The following CPNE4 variants were observed in gnomAD, a reference collection of about 807,000 sequenced individuals.
CPNE4 encodes copine 4, also known as copine-4.
A neutral mutation model predicts 67.9 loss-of-function variants in CPNE4; 25 were observed. That is an observed-to-expected ratio of 0.37 (90% confidence interval 0.27 to 0.51). CPNE4 has a LOEUF of 0.51. Ranked by LOEUF, CPNE4 falls within the 20% of genes least tolerant of loss-of-function variation. The pLI is 0.93. For synonymous variants in CPNE4, 242 were observed against 244.9 expected (o/e 0.99, Z 0.11); for missense variants, 464 against 690.8 (o/e 0.67, Z 3.68).
chr3:131,978,077 A>ATTT (rs1560719936), intron 1 of CPNE4, among the ~76,000 whole-genome samples: 1 of 34,056 alleles, frequency 2.9e-5, no homozygotes, highest in African/African-American at 1.5e-4. Flanking sequence ...AAATATATAT[A>ATTT]AATATATATA....
chr3:131,540,870 A>G (rs1935441712), intron 15 of CPNE4, among the ~76,000 whole-genome samples: 1 of 152,178 alleles, frequency 6.6e-6, no homozygotes, highest in Non-Finnish European at 1.5e-5. Context: ...GTGGAGACAC[A>G]TCTCACTGCA....
chr3:131,815,045 A>G (rs1205991037), intron 2 of CPNE4, among the ~76,000 whole-genome samples: 1 of 152,176 alleles, frequency 6.6e-6, no homozygotes, highest in African/African-American at 2.4e-5. Flanking sequence ...ATAACGGAAG[A>G]CTGGAAGAGT....
At chr3:131,793,659 T>C (rs1242477263) in intron 2 of CPNE4, among the ~76,000 whole-genome samples, 1 of 152,222 alleles carries the variant, frequency 6.6e-6, no homozygotes, top group African/African-American at 2.4e-5. Context: ...TACCTGCCTA[T>C]GGACTTTTTC....
intron 14 of CPNE4, among the ~76,000 whole-genome samples, chr3:131,544,311 G>A (rs1405098405): frequency 6.6e-6 from 1 of 152,134 alleles, no homozygotes; most frequent in African/African-American, 2.4e-5. Flanking sequence ...GTTGCAAATA[G>A]TTTGGTAGTA....
At chr3:132,037,474 C>T, upstream of CPNE4, 5 of 974,394 alleles carry the variant, frequency 5.1e-6, no homozygotes, top group Non-Finnish European at 7.9e-6. Flanking sequence ...TGTTTTCAAT[C>T]ACTGCCCCCA....
At chr3:131,761,004 G>A (rs2082873094) in intron 2 of CPNE4, among the ~76,000 whole-genome samples, 1 of 152,098 alleles carries the variant, frequency 6.6e-6, no homozygotes, top group Non-Finnish European at 1.5e-5. Flanking sequence ...TTTCCTTGTT[G>A]AGAAGATGCC....
intron 2 of CPNE4, among the ~76,000 whole-genome samples, chr3:131,830,312 T>C (rs2085316269): frequency 6.6e-6 from 1 of 152,200 alleles, no homozygotes; most frequent in South Asian, 2.1e-4. Context: ...GCCTGTATTA[T>C]TATAATGTCC....
intron 13 of CPNE4, among the ~76,000 whole-genome samples, chr3:131,551,906 A>T (rs1936194902): frequency 6.6e-6 from 1 of 152,066 alleles, no homozygotes; most frequent in African/African-American, 2.4e-5. Flanking sequence ...GAAACAATGG[A>T]ACATGAACCA....
At chr3:132,029,965 A>G (rs1460189358) in intron 1 of CPNE4, among the ~76,000 whole-genome samples, 1 of 152,266 alleles carries the variant, frequency 6.6e-6, no homozygotes, top group Non-Finnish European at 1.5e-5. Context: ...AATTTTTTAC[A>G]GAACATGCAC....
chr3:131,682,833 C>T (rs13099526), intron 6 of CPNE4, among the ~76,000 whole-genome samples: 52,570 of 151,768 alleles, frequency 0.35, 11,007 homozygotes, highest in Non-Finnish European at 0.48. Context: ...TGTGTTTGAG[C>T]TAGTACCCAA....
chr3:131,845,651 T>A (rs2085967101), intron 2 of CPNE4, among the ~76,000 whole-genome samples: 1 of 152,176 alleles, frequency 6.6e-6, no homozygotes, highest in East Asian at 1.9e-4. Context: ...TTCAGCTACT[T>A]CCACTCATTG....
intron 1 of CPNE4, among the ~76,000 whole-genome samples, chr3:131,960,932 C>T (rs2072149974): frequency 6.6e-6 from 1 of 152,182 alleles, no homozygotes; most frequent in Admixed American, 6.5e-5. Flanking sequence ...CCACTGTAAA[C>T]CCTGCTGTCT....
chr3:131,992,929 T>A (rs533444698), intron 1 of CPNE4, among the ~76,000 whole-genome samples: 2 of 136,414 alleles, frequency 1.5e-5, no homozygotes, highest in African/African-American at 4.9e-5. Flanking sequence ...CCTTCTGCCA[T>A]GATTGTAAGT....
At chr3:131,586,732 C>T (rs988138867) in intron 8 of CPNE4, among the ~76,000 whole-genome samples, 2 of 134,170 alleles carry the variant, frequency 1.5e-5, no homozygotes, top group Non-Finnish European at 3.2e-5. Context: ...CTCTATCTGT[C>T]TGTCTGTCTG....
chr3:131,772,635 G>A (rs1171996267), intron 2 of CPNE4, among the ~76,000 whole-genome samples: 1 of 152,146 alleles, frequency 6.6e-6, no homozygotes. Flanking sequence ...AATACAGATG[G>A]CCTGGTAACG....
At chr3:131,643,616 G>A (rs1219998378) in intron 7 of CPNE4, among the ~76,000 whole-genome samples, 1 of 152,108 alleles carries the variant, frequency 6.6e-6, no homozygotes, top group East Asian at 1.9e-4. Flanking sequence ...ATTTGGAAGG[G>A]GCCAGTGGTG....
chr3:131,767,802 ATTTT>A (rs869270913), intron 2 of CPNE4, among the ~76,000 whole-genome samples: 1 of 110,642 alleles, frequency 9.0e-6, no homozygotes, highest in Non-Finnish European at 2.0e-5. Flanking sequence ...TTATTTATTT[ATTTT>A]TTAGGAAAAA....
At chr3:132,018,133 C>A (rs966113387) in intron 1 of CPNE4, among the ~76,000 whole-genome samples, 2 of 151,388 alleles carry the variant, frequency 1.3e-5, no homozygotes, top group Non-Finnish European at 2.9e-5. Context: ...AACAGAAATG[C>A]CATAGTGTGT....
chr3:132,034,975 G>T lies in CPNE4; in HGVS notation c.-410C>A. 1 of 985,594 alleles carries T rather than the reference G, an allele frequency of 1.0e-6. No individual in the cohort carries two copies. Among genetic ancestry groups the T allele is most frequent in the Non-Finnish European group, 1.2e-6 (1 of 830,146 alleles). 61.1% of individuals were successfully genotyped at this position (985,594 alleles called of 1,614,324 possible). A position where few individuals can be genotyped will look rare whatever the true frequency, so the allele number is the denominator to read the frequency against. The stretch of plus-strand genomic sequence containing the variant: ...GAGAAGGGGACGAGCGGGTGGCGGG[G>T]AGATGGCAGCTTCTCACAGAGAGAT... On this transcript the variant is annotated 5_prime_UTR_variant, in exon 1 of 16. Coordinates refer to ENST00000429747, the MANE Select transcript of CPNE4 (RefSeq NM_130808.3).
Sources: allele counts gnomAD v4.1 joint callset (sites outside exome capture counted in the v4.1 genomes callset), GRCh38; gene constraint gnomAD v4.1.1; transcripts MANE v1.5; gene names NCBI Gene and HGNC (gene_info 2026-07-23, HGNC 2026-07-21).